TEAD1: variants seen among roughly 807,000 people sequenced by gnomAD.
TEAD1 encodes transcriptional enhancer factor TEF-1.
A neutral mutation model predicts 54.9 loss-of-function variants in TEAD1; 9 were observed. The ratio of observed to expected loss-of-function variants is 0.16; its 90% CI spans 0.10 to 0.29. TEAD1 has a LOEUF of 0.29. Ranked by LOEUF, TEAD1 falls within the 10% of genes least tolerant of loss-of-function variation. The pLI, the probability that TEAD1 is intolerant of heterozygous loss-of-function variation, is 1.00. For missense variants in TEAD1, 387 were observed against 535.9 expected (o/e 0.72, Z 2.74); for synonymous variants, 200 against 187.8 (o/e 1.07, Z -0.53).
chr11:12,728,655 A>G (rs779124502), intron 2 of TEAD1, among the ~76,000 whole-genome samples: 1 of 152,212 alleles, frequency 6.6e-6, no homozygotes, highest in Non-Finnish European at 1.5e-5. Context: ...TGTTTCCAGA[A>G]TATCTCTGTC....
chr11:12,789,424 A>G (rs1866714), intron 3 of TEAD1, among the ~76,000 whole-genome samples: 42,369 of 152,232 alleles, frequency 0.28, 7,159 homozygotes, highest in Middle Eastern at 0.42. Context: ...ACTTTTTAAG[A>G]AAGTACAGTG....
intron 2 of TEAD1, among the ~76,000 whole-genome samples, chr11:12,759,383 T>TATATAATA (rs1945055946): frequency 1.3e-5 from 2 of 152,064 alleles, no homozygotes; most frequent in African/African-American, 4.8e-5. Flanking sequence ...TAGGTTATAG[T>TATATAATA]GAAGGAATTA....
intron 2 of TEAD1, among the ~76,000 whole-genome samples, chr11:12,715,016 C>T (rs1045311253): frequency 6.6e-6 from 1 of 152,124 alleles, no homozygotes; most frequent in South Asian, 2.1e-4. Context: ...ATAACAATTC[C>T]GCAGTTCTCT....
intron 3 of TEAD1, among the ~76,000 whole-genome samples, chr11:12,861,982 GTCTTTT>G (rs1375135319): frequency 8.1e-6 from 1 of 123,494 alleles, no homozygotes; most frequent in Non-Finnish European, 1.7e-5. Context: ...GTGAAACTCT[GTCTTTT>G]TTTTTTTTTT....
intron 2 of TEAD1, among the ~76,000 whole-genome samples, chr11:12,710,924 G>A (rs1943923388): frequency 2.0e-5 from 3 of 152,166 alleles, no homozygotes; most frequent in African/African-American, 4.8e-5. Context: ...GGCATTGCAG[G>A]CAGAGGGCCC....
At position 12,879,713 on chromosome 11, in the gene TEAD1, G is replaced by C. The variant is rs1166827013; in HGVS notation, c.336G>C (p.Gln112His). 2 of 1,614,082 alleles carry C rather than the reference G, an allele frequency of 1.2e-6. No individual in the cohort carries two copies. The highest frequency in any genetic ancestry group is 1.1e-5 in the South Asian group (1 of 91,094). ...GTGTCACTGTCACCTTCAAGGATCA[G>C]ACTGCAAAGGATAAGGCCCTGCAGC... is the stretch of plus-strand genomic sequence containing the variant. Residue 112 changes from glutamine to histidine, a missense_variant, in exon 6 of 13, where the codon CAG becomes CAC. Gln to His is a conservative substitution (Grantham distance 24, BLOSUM62 0). This residue lies in a region of TEAD1 where 22 missense variants were observed against 43.2 expected (regional missense o/e 0.51). Transcript: ENST00000527636.
intron 3 of TEAD1, among the ~76,000 whole-genome samples, chr11:12,819,951 T>C (rs924642840): frequency 4.7e-5 from 7 of 150,132 alleles, no homozygotes; most frequent in African/African-American, 1.5e-4. Flanking sequence ...TTCTCACACC[T>C]CCTGGGATTA....
At chr11:12,841,988 G>A (rs1348750408) in intron 3 of TEAD1, among the ~76,000 whole-genome samples, 2 of 152,094 alleles carry the variant, frequency 1.3e-5, no homozygotes, top group Non-Finnish European at 2.9e-5. Flanking sequence ...TTAAAGAAAT[G>A]TAGTCGGCTT....
chr11:12,863,124 A>C (rs1391218438), intron 4 of TEAD1, among the ~76,000 whole-genome samples: 1 of 152,250 alleles, frequency 6.6e-6, no homozygotes, highest in African/African-American at 2.4e-5. Context: ...CATGAACCTT[A>C]AAAACTGTAA....
At chr11:12,696,549 G>A (rs939052550) in intron 2 of TEAD1, among the ~76,000 whole-genome samples, 2 of 152,166 alleles carry the variant, frequency 1.3e-5, no homozygotes, top group African/African-American at 4.8e-5. Context: ...CTATTTCCTG[G>A]TTTCCATCTC....
In TEAD1 at chr11:12,730,921, C is replaced by T. The variant is rs193212984; in HGVS notation, c.-54-33258C>T. 7.8e-3 allele frequency among the ~76,000 whole-genome samples: 1,188 copies of T among 151,886 alleles called. 21 individuals are homozygous for T. The highest frequency in any genetic ancestry group is 0.027 in the African/African-American group (1,135 of 41,386). ...TTCACCATGTTGGCCAGGCTGGTCT[C>T]GAACTCCTGGCCTCAAGTGATCCGC... On this transcript the variant is annotated intron_variant, in intron 2 of 12. Coordinates refer to ENST00000527636, the MANE Select transcript of TEAD1 (RefSeq NM_021961.6).
Position 12,851,131 on chromosome 11 carries a change from G to A in TEAD1, c.203-11119G>A, listed in dbSNP as rs565562456. ...TAAAACCATTTATTGAGCGAGACAC[G>A]GAAAGAAAAAAACTATTTCATGATC... On this transcript the variant is annotated intron_variant, in intron 3 of 12. Transcript: ENST00000527636. The A allele has an allele frequency of 6.9e-5, 67 of 968,386 alleles. No homozygotes were observed. The African/African-American group carries it at 1.0e-3, about 15-fold the overall frequency. The allele number at this position is 968,386 out of a possible 1,614,324, so 60.0% of individuals were successfully genotyped here. A position where few individuals can be genotyped will look rare whatever the true frequency, so the allele number is the denominator to read the frequency against.
Position 12,772,256 on chromosome 11 carries a change from G to C in TEAD1, c.202+7822G>C, listed in dbSNP as rs74868229. ...TTTGACCATGCATGGAAGGAGACACGGTATCCTGAAGGGCAGAACAAATTA... is the reference window on the plus strand; with the variant it reads ...TTTGACCATGCATGGAAGGAGACACCGTATCCTGAAGGGCAGAACAAATTA... On this transcript the variant is annotated intron_variant, in intron 3 of 12. Transcript: ENST00000527636. Among the ~76,000 whole-genome samples, 533 of 152,286 alleles carry C rather than the reference G, an allele frequency of 3.5e-3. 24 individuals carry two copies. The East Asian group carries it at 0.089, about 25-fold the overall frequency.
intron 2 of TEAD1, among the ~76,000 whole-genome samples, chr11:12,708,373 A>G (rs2133848060): frequency 6.6e-6 from 1 of 152,170 alleles, no homozygotes; most frequent in African/African-American, 2.4e-5. Flanking sequence ...GTGAAGAGAC[A>G]CAGTCGGTGA....
At chr11:12,693,236 A>G (rs902360152) in intron 2 of TEAD1, among the ~76,000 whole-genome samples, 7 of 152,248 alleles carry the variant, frequency 4.6e-5, no homozygotes, top group Admixed American at 4.6e-4. Context: ...GCGTGTGTGC[A>G]TGCGCACAGT....
chr11:12,768,108 C>T (rs974016970), intron 3 of TEAD1, among the ~76,000 whole-genome samples: 1 of 152,192 alleles, frequency 6.6e-6, no homozygotes, highest in Non-Finnish European at 1.5e-5. Context: ...GGGACAGGAA[C>T]TAACCTTCAC....
intron 3 of TEAD1, among the ~76,000 whole-genome samples, chr11:12,838,169 G>C (rs1201112241): frequency 6.6e-6 from 1 of 152,162 alleles, no homozygotes; most frequent in Non-Finnish European, 1.5e-5. Context: ...CCTAATAACA[G>C]AAGTTCTGGG....
intron 3 of TEAD1, among the ~76,000 whole-genome samples, chr11:12,861,009 A>C (rs1231075057): frequency 6.6e-6 from 1 of 152,190 alleles, no homozygotes; most frequent in Non-Finnish European, 1.5e-5. Flanking sequence ...CTTGTTCTTG[A>C]CCAAAGGAAT....
intron 3 of TEAD1, among the ~76,000 whole-genome samples, chr11:12,765,390 A>G (rs1945186470): frequency 6.6e-6 from 1 of 152,224 alleles, no homozygotes; most frequent in Non-Finnish European, 1.5e-5. Context: ...CTGAGTCTAA[A>G]AAGATGCAAA....
Sources: gnomAD v4.1 joint callset for allele counts (sites outside exome capture counted in the v4.1 genomes callset) on GRCh38, gnomAD v4.1.1 for gene constraint, gnomAD v4.1.1 regional missense constraint, MANE v1.5 for transcripts, NCBI Gene and HGNC (gene_info 2026-07-23, HGNC 2026-07-21) for gene names.